GALNT18: variants seen among roughly 807,000 people sequenced by gnomAD.
GALNT18 encodes GalNAc-transferase 18.
GALNT18 carries 44 observed loss-of-function variants against 69.5 expected under a neutral mutation model. The ratio of observed to expected loss-of-function variants is 0.63; its 90% CI spans 0.50 to 0.81. GALNT18 has a LOEUF of 0.81. Ranked by LOEUF, GALNT18 falls within the 40% of genes least tolerant of loss-of-function variation. The pLI is 0.00. For missense variants in GALNT18, 715 were observed against 810.0 expected (o/e 0.88, Z 1.42); for synonymous variants, 364 against 318.2 (o/e 1.14, Z -1.53).
chr11:11,519,010 C>T (rs1449123133), intron 1 of GALNT18, among the ~76,000 whole-genome samples: 1 of 152,198 alleles, frequency 6.6e-6, no homozygotes, highest in Non-Finnish European at 1.5e-5. Flanking sequence ...CCCAGATCTT[C>T]TCCGGCAATG....
At chr11:11,288,822 TGGA>T (rs1564881150) in intron 10 of GALNT18, among the ~76,000 whole-genome samples, 4 of 152,006 alleles carry the variant, frequency 2.6e-5, no homozygotes, top group Non-Finnish European at 5.9e-5. Context: ...GGGTATGAGA[TGGA>T]ACACTAAGAT....
In GALNT18 at chr11:11,586,601, T is replaced by C. The variant is rs1319798744; in HGVS notation, c.235+34758A>G. 1.3e-5 allele frequency among the ~76,000 whole-genome samples: 2 copies of C among 152,194 alleles called. No homozygotes were observed. The highest frequency in any genetic ancestry group is 4.8e-5 in the African/African-American group (2 of 41,426). On this transcript the variant is annotated intron_variant, in intron 1 of 10. Coordinates refer to ENST00000227756, the MANE Select transcript of GALNT18 (RefSeq NM_198516.3). The surrounding 1 kb of genome is among the most constrained non-coding windows in gnomAD (Gnocchi z 4.1). ...TGCTTAGGCTGTAGTCAGGACATAG[T>C]TGATCTTTTAAAAAAAATAAAACGT...
chr11:11,529,737 T>TATA (rs547948480), intron 1 of GALNT18, among the ~76,000 whole-genome samples: 7 of 152,142 alleles, frequency 4.6e-5, no homozygotes, highest in Non-Finnish European at 1.0e-4. Context: ...AGACTGTATA[T>TATA]GAGTGTGTGC....
At chr11:11,479,955 C>T (rs533184857) in intron 1 of GALNT18, among the ~76,000 whole-genome samples, 3 of 152,204 alleles carry the variant, frequency 2.0e-5, no homozygotes, top group South Asian at 2.1e-4. Context: ...CTCTACCTCC[C>T]GGGTCCAGGA....
intron 1 of GALNT18, among the ~76,000 whole-genome samples, chr11:11,521,520 C>T (rs1314976143): frequency 5.3e-5 from 8 of 152,076 alleles, no homozygotes; most frequent in Non-Finnish European, 1.0e-4. Flanking sequence ...AACAGATGCT[C>T]AGGAGGTCAG....
At position 11,492,757 on chromosome 11, in the gene GALNT18, G is replaced by C. The variant is rs1856798843; in HGVS notation, c.236-43821C>G. The stretch of plus-strand genomic sequence containing the variant: ...ACCGGGGCCTTTCGGGGGGTGGGGG[G>C]CAAGGGGAGGGAGAGTATTAGGACA... On this transcript the variant is annotated intron_variant, in intron 1 of 10. Coordinates refer to ENST00000227756, the MANE Select transcript of GALNT18 (RefSeq NM_198516.3). 1.5e-5 allele frequency among the ~76,000 whole-genome samples: 2 copies of C among 131,868 alleles called. 1 individual carries two copies. Among genetic ancestry groups the C allele is most frequent in the African/African-American group, 5.5e-5 (2 of 36,396 alleles). 86.5% of individuals were successfully genotyped at this position (131,868 alleles called of 152,430 possible).
chr11:11,406,952 T>C (rs980967104), intron 3 of GALNT18, among the ~76,000 whole-genome samples: 1 of 152,080 alleles, frequency 6.6e-6, no homozygotes, highest in African/African-American at 2.4e-5. Flanking sequence ...CCCTGGAGGG[T>C]TTGCACTGAG....
At chr11:11,317,619 T>C (rs1445569815) in intron 9 of GALNT18, among the ~76,000 whole-genome samples, 1 of 152,254 alleles carries the variant, frequency 6.6e-6, no homozygotes. Context: ...AAGTTCCTTA[T>C]AGATTCTGGA....
intron 2 of GALNT18, among the ~76,000 whole-genome samples, chr11:11,448,479 T>C (rs960637353): frequency 3.3e-5 from 5 of 152,224 alleles, no homozygotes; most frequent in African/African-American, 1.2e-4. Flanking sequence ...GAGATGATTG[T>C]AGTGTCCTTA....
At position 11,339,458 on chromosome 11, in the gene GALNT18, A is replaced by G. The variant is rs1354899327; in HGVS notation, c.1278+1361T>C. On this transcript the variant is annotated intron_variant, in intron 7 of 10. Transcript: ENST00000227756. This position sits in a 1 kb window ranked among gnomAD's most constrained non-coding sequence, Gnocchi z 5.2. ...GTATGCTCACTCACCAGTCCTAAGC[A>G]GAACCTGGGGACCTGCTATGCCTCA... is the stretch of plus-strand genomic sequence containing the variant. Among the ~76,000 whole-genome samples, 1 of 152,182 alleles carries G rather than the reference A, an allele frequency of 6.6e-6. No individual in the cohort carries two copies. The highest frequency in any genetic ancestry group is 6.5e-5 in the Admixed American group (1 of 15,278).
intron 9 of GALNT18, among the ~76,000 whole-genome samples, chr11:11,301,470 G>C (rs185246521): frequency 7.9e-5 from 12 of 152,140 alleles, no homozygotes; most frequent in Non-Finnish European, 1.2e-4. Context: ...ATGAAGGAGA[G>C]TCATTTCCAG....
chr11:11,413,840 C>T lies in GALNT18; in HGVS notation c.595+18781G>A, dbSNP rs1854789036. 6.6e-6 allele frequency among the ~76,000 whole-genome samples: 1 copy of T among 152,230 alleles called. No homozygotes were observed. The highest frequency in any genetic ancestry group is 1.5e-5 in the Non-Finnish European group (1 of 68,044). On this transcript the variant is annotated intron_variant, in intron 3 of 10. Transcript: ENST00000227756. This position sits in a 1 kb window ranked among gnomAD's most constrained non-coding sequence, Gnocchi z 4.7. ...CCTCTTCCGAGAGCCTGGGTATCCGCTCTGTTCAGCAGTGCCCATCTATCC... is the reference window on the plus strand; with the variant it reads ...CCTCTTCCGAGAGCCTGGGTATCCGTTCTGTTCAGCAGTGCCCATCTATCC...
intron 6 of GALNT18, among the ~76,000 whole-genome samples, chr11:11,343,381 A>T (rs11021813): frequency 0.26 from 38,784 of 151,858 alleles, 6,094 homozygotes; most frequent in East Asian, 0.75. Context: ...ATAATAATAA[A>T]AAAAAGGAAG....
intron 1 of GALNT18, among the ~76,000 whole-genome samples, chr11:11,521,094 C>T (rs1223638762): frequency 1.3e-5 from 2 of 151,664 alleles, no homozygotes; most frequent in African/African-American, 4.8e-5. Flanking sequence ...GGCAATTCCT[C>T]AGGGAGGAAA....
rs147775192 is a variant in GALNT18, at chr11:11,603,206, A to G, written c.235+18153T>C. Among the ~76,000 whole-genome samples, 38 of 152,348 alleles carry G rather than the reference A, an allele frequency of 2.5e-4. No homozygotes were observed. The highest frequency in any genetic ancestry group is 1.0e-3 in the South Asian group (5 of 4,830). ...CATGGAGAAAACTGGGCTGTAAACA[A>G]ATAATACCCAACAGCCAAGACTAAG... On this transcript the variant is annotated intron_variant, in intron 1 of 10. Coordinates refer to ENST00000227756, the MANE Select transcript of GALNT18 (RefSeq NM_198516.3). The surrounding 1 kb of genome is among the most constrained non-coding windows in gnomAD (Gnocchi z 4.5).
Position 11,594,816 on chromosome 11 carries a change from C to CATATATAT in GALNT18, c.235+26535_235+26542dup, listed in dbSNP as rs1206038267. ...GATATGTGTTTTCAATTATCTTGGGCATATATATATATATATATATATATA... is the reference window on the plus strand; with the variant it reads ...GATATGTGTTTTCAATTATCTTGGGCATATATATATATATATATATATATATATATATA... On this transcript the variant is annotated intron_variant, in intron 1 of 10. Transcript: ENST00000227756. 1.5e-3 allele frequency among the ~76,000 whole-genome samples: 184 copies of CATATATAT among 121,476 alleles called. 3 individuals are homozygous for CATATATAT. The highest frequency in any genetic ancestry group is 5.2e-3 in the African/African-American group (174 of 33,342). 79.7% of individuals were successfully genotyped at this position (121,476 alleles called of 152,430 possible).
At position 11,413,270 on chromosome 11, in the gene GALNT18, G is replaced by A. The variant is rs1453149806; in HGVS notation, c.595+19351C>T. ...TTAGCTGGCTGCTGTGCATGCCTGAGGACCCCGGTGGGAAGCTCTTCTGCA... is the reference window on the plus strand; with the variant it reads ...TTAGCTGGCTGCTGTGCATGCCTGAAGACCCCGGTGGGAAGCTCTTCTGCA... On this transcript the variant is annotated intron_variant, in intron 3 of 10. Transcript: ENST00000227756. This position sits in a 1 kb window ranked among gnomAD's most constrained non-coding sequence, Gnocchi z 4.7. Among the ~76,000 whole-genome samples the A allele has an allele frequency of 2.0e-5, 3 of 152,186 alleles. No individual in the cohort carries two copies. The highest frequency in any genetic ancestry group is 1.5e-5 in the Non-Finnish European group (1 of 68,036).
chr11:11,582,593 C>T lies in GALNT18; in HGVS notation c.235+38766G>A, dbSNP rs929687199. Among the ~76,000 whole-genome samples the T allele has an allele frequency of 6.6e-6, 1 of 152,252 alleles. No individual in the cohort carries two copies. The highest frequency in any genetic ancestry group is 1.5e-5 in the Non-Finnish European group (1 of 68,046). ...AAGATGGAAACAATAGCTGCTCCCT[C>T]AGCCCAGTTCCTGGATTGTAGATAT... On this transcript the variant is annotated intron_variant, in intron 1 of 10. Coordinates refer to ENST00000227756, the MANE Select transcript of GALNT18 (RefSeq NM_198516.3). This position sits in a 1 kb window ranked among gnomAD's most constrained non-coding sequence, Gnocchi z 5.0.
intron 10 of GALNT18, among the ~76,000 whole-genome samples, chr11:11,288,115 A>G (rs192546654): frequency 6.6e-6 from 1 of 152,124 alleles, no homozygotes; most frequent in Non-Finnish European, 1.5e-5. Flanking sequence ...ACACCCCACC[A>G]TGGAAATCTA....
Sources: gnomAD v4.1 joint callset for allele counts (sites outside exome capture counted in the v4.1 genomes callset) on GRCh38, gnomAD v4.1.1 for gene constraint, Gnocchi (gnomAD v3.1) non-coding constraint, MANE v1.5 for transcripts, NCBI Gene and HGNC (gene_info 2026-07-23, HGNC 2026-07-21) for gene names.